Variants in TTLL3 observed in about 807,000 individuals in gnomAD.
TTLL3 encodes the protein tubulin tyrosine ligase like 3.
In TTLL3, 63 loss-of-function variants were observed where a neutral mutation model predicts 75.2. That is an observed-to-expected ratio of 0.84 (90% CI 0.68 to 1.03). TTLL3 has a LOEUF of 1.03. TTLL3 is among the 50% of genes least tolerant of loss of function. The probability of loss-of-function intolerance (pLI) is 0.00; values close to 1 mark genes in which losing one functional copy is unlikely to be tolerated. For missense variants in TTLL3, 997 were observed against 1,069.9 expected, an observed-to-expected ratio of 0.93 and a Z score of 0.95; for synonymous variants, 393 against 418.5, an observed-to-expected ratio of 0.94 and a Z score of 0.74.
upstream of TTLL3, chr3:9,809,839 C>T (rs749580871): frequency 2.1e-4 from 97 of 468,894 alleles, no homozygotes; most frequent in Middle Eastern, 5.8e-4. Flanking sequence ...CAGCCCCGAG[C>T]GGTCTGATGG....
At chr3:9,812,713 A>G (rs2079468862) in intron 2 of TTLL3, 3 of 409,780 alleles carry the variant, frequency 7.3e-6, no homozygotes, top group Admixed American at 4.4e-5. Flanking sequence ...TTAGTAATGC[A>G]TGTAAGTGCT....
chr3:9,815,503 G>A (rs532678510), intron 4 of TTLL3, among the ~76,000 whole-genome samples: 81 of 152,384 alleles, frequency 5.3e-4, no homozygotes, highest in African/African-American at 1.8e-3. Context: ...GTAGGAAGGA[G>A]GGAGAGAGGT....
In TTLL3 at chr3:9,829,232, A is replaced by G; in HGVS notation, c.1520A>G (p.Gln507Arg). Residue 507 changes from glutamine (Q) to arginine (R), a missense_variant, in exon 11 of 14, where the codon CAG becomes CGG. Gln to Arg is a conservative substitution (Grantham distance 43). Transcript: ENST00000685419. Reference sequence around the variant, plus strand: ...GACTTCGTGTTCGGGGAGGACTTCCAGCCCTGGCTGATTGAGATCAACGCC... The same window carrying G: ...GACTTCGTGTTCGGGGAGGACTTCCGGCCCTGGCTGATTGAGATCAACGCC... ...GADFVFGEDF[Q>R]PWLIEINASP... 6.2e-7 allele frequency: 1 copy of G among 1,614,212 alleles called. No homozygotes were observed. Among genetic ancestry groups the G allele is most frequent in the Non-Finnish European group, 8.5e-7 (1 of 1,180,030 alleles).
At chr3:9,819,161 T>G in intron 7 of TTLL3, 1 of 545,756 alleles carries the variant, frequency 1.8e-6, no homozygotes, top group Non-Finnish European at 3.3e-6. Context: ...CCACTCATCC[T>G]TCCATCCTCC....
At chr3:9,826,482 C>T (rs2081051471) in intron 9 of TTLL3, among the ~76,000 whole-genome samples, 2 of 152,114 alleles carry the variant, frequency 1.3e-5, no homozygotes, top group African/African-American at 4.8e-5. Context: ...CTTGTAATCC[C>T]AGCAGTCTGG....
chr3:9,830,976 G>A (rs1271028877), intron 11 of TTLL3, among the ~76,000 whole-genome samples: 1 of 151,998 alleles, frequency 6.6e-6, no homozygotes, highest in Admixed American at 6.6e-5. Context: ...CTAATTTTTT[G>A]TATTTTAGTA....
chr3:9,827,471 C>T (rs534180371), intron 10 of TTLL3: 31 of 634,116 alleles, frequency 4.9e-5, no homozygotes, highest in African/African-American at 3.7e-4. Context: ...GGCATGGTCA[C>T]GGCTCACTGT....
In TTLL3 at chr3:9,810,783, A is replaced by C; in HGVS notation, c.48+74A>C. 2 of 1,367,240 alleles carry C rather than the reference A, an allele frequency of 1.5e-6. No homozygotes were observed. The highest frequency in any genetic ancestry group is 2.7e-5 in the South Asian group (2 of 73,424). 84.7% of individuals were successfully genotyped at this position (1,367,240 alleles called of 1,614,324 possible). ...GCCTGTCTCCCTGCGCTGTTTTCTT[A>C]TATCCTTAAAAAACAAAAGCAAAAG... On this transcript the variant is annotated intron_variant, in intron 2 of 13. Transcript: ENST00000685419. The surrounding 1 kb of genome is among the most constrained non-coding windows in gnomAD (Gnocchi z 4.4).
chr3:9,828,770 G>A (rs2081281649), intron 10 of TTLL3, 190 bp from the exon 11 acceptor site: 2 of 707,900 alleles, frequency 2.8e-6, no homozygotes, highest in African/African-American at 3.6e-5. Flanking sequence ...AGAGATAAGA[G>A]TGGTTCTGGC....
intron 8 of TTLL3, among the ~76,000 whole-genome samples, chr3:9,823,414 T>TG (rs1013758192): frequency 1.3e-5 from 2 of 151,162 alleles, no homozygotes; most frequent in Admixed American, 6.6e-5. Flanking sequence ...TTTTTTTTTT[T>TG]TTTTTTTTTA....
At chr3:9,834,985 C>A (rs2081951670) in intron 13 of TTLL3, 78 bp downstream of exon 13, 1 of 1,607,720 alleles carries the variant, frequency 6.2e-7, no homozygotes, top group Non-Finnish European at 8.5e-7. Context: ...AGGCAGAGGG[C>A]AGCTCCCAGG....
rs759259108 is a variant in TTLL3 at position 9,813,349 on chromosome 3, A to C, written c.315+4A>C. On this transcript the variant is annotated splice_donor_region_variant and intron_variant, in intron 4 of 13. Coordinates refer to ENST00000685419, the MANE Select transcript of TTLL3 (RefSeq NM_001387446.1). ...AGATGGAACACATGCTCTGATGGTGAGGGCCCTGGGGGCCAAGATGATACA... is the reference window on the plus strand; with the variant it reads ...AGATGGAACACATGCTCTGATGGTGCGGGCCCTGGGGGCCAAGATGATACA... 1.2e-5 allele frequency: 20 copies of C among 1,613,860 alleles called. No individual in the cohort carries two copies. Among genetic ancestry groups the C allele is most frequent in the Non-Finnish European group, 1.6e-5 (19 of 1,180,028 alleles).
At chr3:9,832,594 T>G (rs1455691890) in intron 11 of TTLL3, among the ~76,000 whole-genome samples, 1 of 152,212 alleles carries the variant, frequency 6.6e-6, no homozygotes, top group Non-Finnish European at 1.5e-5. Flanking sequence ...TCCTGGACCC[T>G]TCTCTCTGCC....
At chr3:9,809,968 G>GATCAGGGGCCCTGGGAGGGCGGGCGCGGA, upstream of TTLL3, 4 of 1,298,026 alleles carry the variant, frequency 3.1e-6, no homozygotes, top group Non-Finnish European at 3.9e-6. Flanking sequence ...AGGGGCGCGG[G>GATCAGGGGCCCTGGGAGGGCGGGCGCGGA]ATCAGGGGCC....
Position 9,816,130 on chromosome 3 carries a change from G to A in TTLL3, c.372G>A (p.Val124=). 1 of 1,350,476 alleles carries A rather than the reference G, an allele frequency of 7.4e-7. No individual in the cohort carries two copies. Among genetic ancestry groups the A allele is most frequent in the South Asian group, 1.2e-5 (1 of 84,590 alleles). 83.7% of individuals were successfully genotyped at this position (1,350,476 alleles called of 1,614,324 possible). The change falls in exon 5 of 14, where the codon GTG becomes GTA. Residue 124 remains valine, a synonymous_variant. Transcript: ENST00000685419. ...PYFIWTTRRD[V]LDCRFLSKDQ... Reference sequence around the variant, plus strand: ...TCATCTGGACCACTCGGCGGGATGTGCTCGACTGTCGCTTCCTCTCCAAGG... The same window carrying A: ...TCATCTGGACCACTCGGCGGGATGTACTCGACTGTCGCTTCCTCTCCAAGG...
At position 9,828,727 on chromosome 3, in the gene TTLL3, G is replaced by C. The variant is rs1575406918; in HGVS notation, c.1248-233G>C. On this transcript the variant is annotated intron_variant, in intron 10 of 13. Coordinates refer to ENST00000685419, the MANE Select transcript of TTLL3 (RefSeq NM_001387446.1). The stretch of plus-strand genomic sequence containing the variant: ...TATGCACAAAGCACTTACTACTGCG[G>C]CCCCCGTAACTAGCGCCCTCAGAGC... 3 of 585,952 alleles carry C rather than the reference G, an allele frequency of 5.1e-6. No individual in the cohort carries two copies. The East Asian group carries it at 8.6e-5, about 17-fold the overall frequency. The allele number at this position is 585,952 out of a possible 1,614,324, so 36.3% of individuals were successfully genotyped here. A position where few individuals can be genotyped will look rare whatever the true frequency, so the allele number is the denominator to read the frequency against.
chr3:9,820,807 C>T (rs1405734305), intron 8 of TTLL3, 66 bp downstream of exon 8: 14 of 1,578,040 alleles, frequency 8.9e-6, no homozygotes, highest in African/African-American at 5.4e-5. Flanking sequence ...CTTTCTGTCT[C>T]GTGCAGCCCC....
At chr3:9,834,257 C>T (rs1030960799) in intron 12 of TTLL3, 1 of 405,684 alleles carries the variant, frequency 2.5e-6, no homozygotes, top group African/African-American at 2.1e-5. Context: ...CTCCAGCGCC[C>T]ACGCTTTTCC....
At chr3:9,809,858 G>A, upstream of TTLL3, 1 of 574,536 alleles carries the variant, frequency 1.7e-6, no homozygotes, top group Non-Finnish European at 2.6e-6. Context: ...GGTGCCCAGG[G>A]AATGGTTTCC....
Sources: allele counts gnomAD v4.1 joint callset (sites outside exome capture counted in the v4.1 genomes callset), GRCh38; gene constraint gnomAD v4.1.1; non-coding constraint Gnocchi (gnomAD v3.1); transcripts MANE v1.5; gene names NCBI Gene and HGNC (gene_info 2026-07-23, HGNC 2026-07-21).